Variants in PPIG observed in about 807,000 individuals in gnomAD.
PPIG encodes the protein peptidylprolyl isomerase G, also known as peptidyl-prolyl cis-trans isomerase G.
PPIG carries 26 observed loss-of-function variants against 87.9 expected under a neutral mutation model. That is an observed-to-expected ratio of 0.30 (90% CI 0.22 to 0.41). The LOEUF (loss-of-function observed/expected upper bound fraction) is 0.41, where lower values mean the gene tolerates loss of function less well. Among genes scored for constraint, PPIG ranks in the 10% least tolerant of loss-of-function variants. The probability of loss-of-function intolerance (pLI) is 1.00; values close to 1 mark genes in which losing one functional copy is unlikely to be tolerated. For synonymous variants in PPIG, 308 were observed against 276.5 expected (o/e 1.11, Z -1.13); for missense variants, 722 against 879.4 (o/e 0.82, Z 2.26).
chr2:169,626,191 G>A (rs560438033), intron 9 of PPIG, among the ~76,000 whole-genome samples: 1 of 152,042 alleles, frequency 6.6e-6, no homozygotes, highest in South Asian at 2.1e-4. Context: ...TTAAAATTTA[G>A]GTTAACACAC....
intron 1 of PPIG, among the ~76,000 whole-genome samples, chr2:169,602,653 A>G (rs1685217137): frequency 6.6e-6 from 1 of 152,214 alleles, no homozygotes. Context: ...TGGCTACTGA[A>G]AAATTTTATA....
At chr2:169,595,519 A>AT (rs1173564107) in intron 1 of PPIG, among the ~76,000 whole-genome samples, 1 of 152,042 alleles carries the variant, frequency 6.6e-6, no homozygotes, top group Non-Finnish European at 1.5e-5. Flanking sequence ...ATTCTTAACT[A>AT]TTTTTTTGCA....
chr2:169,641,174 T>C lies in PPIG; in HGVS notation c.*3651T>C, dbSNP rs1245471618. 6.6e-6 allele frequency: 1 copy of C among 152,188 alleles called. No individual in the cohort carries two copies. Among genetic ancestry groups the C allele is most frequent in the Non-Finnish European group, 1.5e-5 (1 of 68,026 alleles). 9.4% of individuals were successfully genotyped at this position (152,188 alleles called of 1,614,324 possible). A position where few individuals can be genotyped will look rare whatever the true frequency, so the allele number is the denominator to read the frequency against. On this transcript the variant is annotated 3_prime_UTR_variant, in exon 14 of 14. Coordinates refer to ENST00000260970, the MANE Select transcript of PPIG (RefSeq NM_004792.3). ...AAGGAAAAAACATAAATGAAGTTAA[T>C]GCACTTCTTTTCCTAGCCCAAAAGT...
In PPIG at chr2:169,640,594, C is replaced by G. The variant is rs551527967; in HGVS notation, c.*3071C>G. 2.0e-5 allele frequency: 3 copies of G among 152,220 alleles called. No homozygotes were observed. The East Asian group carries it at 5.8e-4, about 29-fold the overall frequency. The allele number at this position is 152,220 out of a possible 1,614,324, so 9.4% of individuals were successfully genotyped here. ...CCATAGCTGATTTGTTATAAAGAAACAAAATGGGTGTTCTTCTGTTTCCTT... is the reference window on the plus strand; with the variant it reads ...CCATAGCTGATTTGTTATAAAGAAAGAAAATGGGTGTTCTTCTGTTTCCTT... On this transcript the variant is annotated 3_prime_UTR_variant, in exon 14 of 14. Coordinates refer to ENST00000260970, the MANE Select transcript of PPIG (RefSeq NM_004792.3).
In PPIG at chr2:169,604,034, T is replaced by C. The variant is rs774266297; in HGVS notation, c.-8T>C. ...CTGTATTTTACTCACAGATTAAGTA[T>C]TGGAGCCATGGGAATAAAGGTTCAA... is the stretch of plus-strand genomic sequence containing the variant. On this transcript the variant is annotated 5_prime_UTR_variant, in exon 3 of 14. Coordinates refer to ENST00000260970, the MANE Select transcript of PPIG (RefSeq NM_004792.3). 2 of 1,612,874 alleles carry C rather than the reference T, an allele frequency of 1.2e-6. No individual in the cohort carries two copies. The highest frequency in any genetic ancestry group is 2.2e-5 in the East Asian group (1 of 44,854).
intron 9 of PPIG, among the ~76,000 whole-genome samples, chr2:169,624,796 T>C (rs1417153892): frequency 6.6e-6 from 1 of 152,138 alleles, no homozygotes; most frequent in Non-Finnish European, 1.5e-5. Context: ...TTCACCATGT[T>C]AGCCAGGATG....
At chr2:169,586,341 G>T (rs1023560137) in intron 1 of PPIG, among the ~76,000 whole-genome samples, 6 of 152,094 alleles carry the variant, frequency 3.9e-5, no homozygotes, top group Non-Finnish European at 7.4e-5. Context: ...GAAAAATTTG[G>T]ACTTTCTGGC....
In PPIG at chr2:169,608,685, G is replaced by T; in HGVS notation, c.304G>T (p.Val102Phe). 6.2e-7 allele frequency: 1 copy of T among 1,609,384 alleles called. No homozygotes were observed. The highest frequency in any genetic ancestry group is 8.5e-7 in the Non-Finnish European group (1 of 1,176,060). ...CTTCTCTATAGACGAGAGTTTCGCTGTTAAACACAACAAAGAATTTCTCTT... is the reference window on the plus strand; with the variant it reads ...CTTCTCTATAGACGAGAGTTTCGCTTTTAAACACAACAAAGAATTTCTCTT... Reference protein sequence around the residue: ...GGFFEDESFAVKHNKEFLLSM... With the variant: ...GGFFEDESFAFKHNKEFLLSM... Residue 102 changes from valine (V) to phenylalanine (F), a missense_variant, in exon 7 of 14, where the codon GTT becomes TTT. Around this residue, in one of 4 missense-constraint regions of PPIG, gnomAD observed 99 missense variants for 215.8 expected, o/e 0.46. Transcript: ENST00000260970.
chr2:169,608,489 C>CA (rs55900825), intron 6 of PPIG, among the ~76,000 whole-genome samples, 182 bp from the exon 7 acceptor site: 2 of 144,428 alleles, frequency 1.4e-5, no homozygotes, highest in African/African-American at 2.6e-5. Context: ...GACTCCATCT[C>CA]AAAAAAAAAG....
At chr2:169,602,618 T>C (rs1353657962) in intron 1 of PPIG, among the ~76,000 whole-genome samples, 1 of 152,166 alleles carries the variant, frequency 6.6e-6, no homozygotes, top group East Asian at 1.9e-4. Flanking sequence ...GGCCCAAAAT[T>C]AGCCTGTTTT....
In PPIG at chr2:169,637,779, T is replaced by C; in HGVS notation, c.*256T>C. The C allele has an allele frequency of 3.3e-6, 1 of 299,624 alleles. No individual in the cohort carries two copies. Among genetic ancestry groups the C allele is most frequent in the Middle Eastern group, 9.8e-4 (1 of 1,024 alleles). The allele number at this position is 299,624 out of a possible 1,614,324, so 18.6% of individuals were successfully genotyped here. A position where few individuals can be genotyped will look rare whatever the true frequency, so the allele number is the denominator to read the frequency against. On this transcript the variant is annotated 3_prime_UTR_variant, in exon 14 of 14. Coordinates refer to ENST00000260970, the MANE Select transcript of PPIG (RefSeq NM_004792.3). ...AGTACTGTGTGCTGTGTTTAACTAT[T>C]TTATGTATGCATTACTGTGTTGCAA...
At chr2:169,621,928 CA>C (rs1256622398) in intron 9 of PPIG, among the ~76,000 whole-genome samples, 1,546 of 103,256 alleles carry the variant, frequency 0.015, 19 homozygotes, top group South Asian at 0.047. Flanking sequence ...TCTTCCCTAC[CA>C]AAAAAAAAAA....
At chr2:169,612,637 C>T (rs978482805) in intron 7 of PPIG, among the ~76,000 whole-genome samples, 1 of 152,150 alleles carries the variant, frequency 6.6e-6, no homozygotes, top group Non-Finnish European at 1.5e-5. Context: ...CCGCCTTGGC[C>T]TCCCAAACTG....
chr2:169,589,085 A>G (rs1684789370), intron 1 of PPIG, among the ~76,000 whole-genome samples: 1 of 150,824 alleles, frequency 6.6e-6, no homozygotes, highest in Non-Finnish European at 1.5e-5. Flanking sequence ...TTATATTTTT[A>G]TGTCTCTCAG....
At position 169,597,859 on chromosome 2, in the gene PPIG, T is replaced by C. The variant is rs376642288; in HGVS notation, c.-69-5783T>C. 6.8e-3 allele frequency among the ~76,000 whole-genome samples: 61 copies of C among 8,916 alleles called. 1 individual carries two copies. The highest frequency in any genetic ancestry group is 0.049 in the South Asian group (10 of 204). The allele number at this position is 8,916 out of a possible 152,430, so 5.8% of individuals were successfully genotyped here. The stretch of plus-strand genomic sequence containing the variant: ...CCTACACACTTCTGTACCTTGCTTG[T>C]TTGTTTGTTTGTTTGTTTGTTTGTT... On this transcript the variant is annotated intron_variant, in intron 1 of 13. Coordinates refer to ENST00000260970, the MANE Select transcript of PPIG (RefSeq NM_004792.3).
rs985496806 is a variant in PPIG, at chr2:169,640,822, A to T, written c.*3299A>T. 37 of 152,174 alleles carry T rather than the reference A, an allele frequency of 2.4e-4. No homozygotes were observed. Among genetic ancestry groups the T allele is most frequent in the African/African-American group, 8.9e-4 (37 of 41,452 alleles). The allele number at this position is 152,174 out of a possible 1,614,324, so 9.4% of individuals were successfully genotyped here. The stretch of plus-strand genomic sequence containing the variant: ...CTTCCCAACTAACTGCCTTCAGTGG[A>T]TTCGGGCAAGTGCAAAGTCTTTGGC... On this transcript the variant is annotated 3_prime_UTR_variant, in exon 14 of 14. Coordinates refer to ENST00000260970, the MANE Select transcript of PPIG (RefSeq NM_004792.3).
intron 11 of PPIG, among the ~76,000 whole-genome samples, chr2:169,632,260 T>G (rs6747350): frequency 0.14 from 21,960 of 152,222 alleles, 1,655 homozygotes; most frequent in South Asian, 0.26. Context: ...TTGTGTACAG[T>G]AAACTCTTAA....
chr2:169,591,736 A>G (rs899092993), intron 1 of PPIG, among the ~76,000 whole-genome samples: 1 of 151,824 alleles, frequency 6.6e-6, no homozygotes, highest in African/African-American at 2.4e-5. Flanking sequence ...GGAGCAGACT[A>G]TGCTGATTGC....
At chr2:169,612,603 C>T (rs548803167) in intron 7 of PPIG, among the ~76,000 whole-genome samples, 3 of 152,048 alleles carry the variant, frequency 2.0e-5, no homozygotes, top group South Asian at 2.1e-4. Flanking sequence ...AGGATGGTCT[C>T]GATCTCCTGA....
Sources: gnomAD v4.1 joint callset for allele counts (sites outside exome capture counted in the v4.1 genomes callset) on GRCh38, gnomAD v4.1.1 for gene constraint, gnomAD v4.1.1 regional missense constraint, MANE v1.5 for transcripts, NCBI Gene and HGNC (gene_info 2026-07-23, HGNC 2026-07-21) for gene names.